ST3GAL5: variants seen among roughly 807,000 people sequenced by gnomAD.
The protein encoded by ST3GAL5 is ST3 beta-galactoside alpha-2,3-sialyltransferase 5.
A neutral mutation model predicts 46.1 loss-of-function variants in ST3GAL5; 25 were observed. That is an observed-to-expected ratio of 0.54 (90% CI 0.40 to 0.76). The LOEUF is 0.76. ST3GAL5 is among the 30% of genes least tolerant of loss of function. ST3GAL5 has a pLI of 0.00. For synonymous variants in ST3GAL5, 182 were observed against 192.7 expected (o/e 0.94, Z 0.46); for missense variants, 431 against 521.2 (o/e 0.83, Z 1.69).
chr2:85,850,407 A>G (rs1019547113), intron 3 of ST3GAL5: 1 of 152,300 alleles, frequency 6.6e-6, no homozygotes, highest in Non-Finnish European at 1.5e-5. Context: ...AAATGTTTAA[A>G]TACGAATTGG....
chr2:85,851,537 T>C, intron 3 of ST3GAL5: 1 of 1,289,382 alleles, frequency 7.8e-7, no homozygotes, highest in Non-Finnish European at 1.0e-6. Flanking sequence ...GCTTCAATGG[T>C]GCACAACCAG....
At chr2:85,888,091 C>G (rs59317756) in intron 1 of ST3GAL5, 1 of 152,066 alleles carries the variant, frequency 6.6e-6, no homozygotes, top group African/African-American at 2.4e-5. Context: ...CCTCGGCCAT[C>G]GGCAGGGTAA....
intron 3 of ST3GAL5, among the ~76,000 whole-genome samples, chr2:85,857,128 C>A (rs1159712872): frequency 6.7e-6 from 1 of 149,086 alleles, no homozygotes; most frequent in East Asian, 2.0e-4. Context: ...TGCTATAGTC[C>A]CAGCTACTCA....
At chr2:85,858,285 T>A (rs1288011301) in intron 3 of ST3GAL5, 1 of 152,402 alleles carries the variant, frequency 6.6e-6, no homozygotes. Context: ...CCCCTCCCTG[T>A]CTAATGTCTG....
At chr2:85,881,227 A>G (rs1297335063) in intron 1 of ST3GAL5, among the ~76,000 whole-genome samples, 1 of 152,184 alleles carries the variant, frequency 6.6e-6, no homozygotes, top group Non-Finnish European at 1.5e-5. Flanking sequence ...GGAACTGTAA[A>G]TCCAATTAAA....
intron 3 of ST3GAL5, chr2:85,850,246 C>A (rs1312443015): frequency 6.6e-6 from 1 of 152,256 alleles, no homozygotes; most frequent in African/African-American, 2.4e-5. Context: ...TAGCCACTGC[C>A]TCAGTTCACC....
At chr2:85,851,324 G>A (rs909389302) in intron 3 of ST3GAL5, 12 of 1,165,106 alleles carry the variant, frequency 1.0e-5, no homozygotes, top group Non-Finnish European at 1.3e-5. Flanking sequence ...AATCCTGAGT[G>A]AGTTTCTACA....
chr2:85,844,592 T>C (rs186772935), intron 5 of ST3GAL5, 38 bp from the exon 6 acceptor site: 61 of 1,613,154 alleles, frequency 3.8e-5, no homozygotes, highest in Non-Finnish European at 5.1e-5. Context: ...GTCATCCTTC[T>C]AGGGGAGGGG....
Position 85,853,012 on chromosome 2 carries a change from G to A in ST3GAL5, c.319-4808C>T, listed in dbSNP as rs139149411. 324 of 1,303,826 alleles carry A rather than the reference G, an allele frequency of 2.5e-4. 1 individual carries two copies. Among genetic ancestry groups the A allele is most frequent in the African/African-American group, 1.8e-3 (116 of 65,762 alleles). The allele number at this position is 1,303,826 out of a possible 1,614,324, so 80.8% of individuals were successfully genotyped here. A position where few individuals can be genotyped will look rare whatever the true frequency, so the allele number is the denominator to read the frequency against. On this transcript the variant is annotated intron_variant, in intron 3 of 6. Transcript: ENST00000638572. ...GGCACGGTGTAGGTCTGCAGAGTCC[G>A]AGAGAAGACGATGAAGAAGCGGCTG... is the stretch of plus-strand genomic sequence containing the variant.
chr2:85,859,232 T>G (rs1684470862), intron 3 of ST3GAL5, among the ~76,000 whole-genome samples: 1 of 152,040 alleles, frequency 6.6e-6, no homozygotes, highest in Non-Finnish European at 1.5e-5. Context: ...GGTCAGATGG[T>G]AATGGACAGG....
At chr2:85,852,688 T>A (rs1683652597) in intron 3 of ST3GAL5, among the ~76,000 whole-genome samples, 1 of 151,926 alleles carries the variant, frequency 6.6e-6, no homozygotes, top group Non-Finnish European at 1.5e-5. Context: ...TTAATACTCA[T>A]CAAACAATGG....
intron 3 of ST3GAL5, chr2:85,849,697 CCA>C (rs1683258632): frequency 6.6e-6 from 1 of 152,172 alleles, no homozygotes; most frequent in African/African-American, 2.4e-5. Context: ...TCCATTCACC[CCA>C]GTCTTCCTCT....
At chr2:85,889,009 G>A (rs1049660940), upstream of ST3GAL5, 142 of 887,334 alleles carry the variant, frequency 1.6e-4, no homozygotes, top group African/African-American at 2.4e-3. Context: ...CCGCTCCCCC[G>A]CTCAGATGCG....
In ST3GAL5 at chr2:85,888,862, T is replaced by C. The variant is rs1280213817; in HGVS notation, c.44A>G (p.Gln15Arg). 2 of 1,358,460 alleles carry C rather than the reference T, an allele frequency of 1.5e-6. No individual in the cohort carries two copies. Among genetic ancestry groups the C allele is most frequent in the Non-Finnish European group, 1.9e-6 (2 of 1,048,494 alleles). 84.2% of individuals were successfully genotyped at this position (1,358,460 alleles called of 1,614,324 possible). A position where few individuals can be genotyped will look rare whatever the true frequency, so the allele number is the denominator to read the frequency against. The change falls in exon 1 of 7, where the codon CAG (glutamine) becomes CGG (arginine). Residue 15 changes from glutamine to arginine, a missense_variant. Gln to Arg is a conservative substitution (Grantham distance 43). Transcript: ENST00000638572. ...AAGCAERRPL[Q>R]PRTEAAAAPA... ...TGCCGCCGCTGCCTCGGTCCGCGGC[T>C]GCAGGGGACGCCGCTCCGCGCAGCC...
chr2:85,844,630 G>A, intron 5 of ST3GAL5, 76 bp from the exon 6 acceptor site: 1 of 1,595,640 alleles, frequency 6.3e-7, no homozygotes, highest in Middle Eastern at 1.8e-4. Context: ...ATCAGACCAA[G>A]GCTGTGGGTG....
At chr2:85,857,097 A>AAAAAAAAAAAAT (rs1558669884) in intron 3 of ST3GAL5, among the ~76,000 whole-genome samples, 6 of 132,286 alleles carry the variant, frequency 4.5e-5, no homozygotes, top group African/African-American at 1.6e-4. Context: ...AAAAAAAAAA[A>AAAAAAAAAAAAT]TAGGCACGTA....
intron 1 of ST3GAL5, among the ~76,000 whole-genome samples, chr2:85,868,702 T>A (rs1449273074): frequency 6.6e-6 from 1 of 151,062 alleles, no homozygotes; most frequent in Admixed American, 6.6e-5. Context: ...CACTGCAACC[T>A]CTGCCTCCCG....
intron 1 of ST3GAL5, chr2:85,867,523 C>A (rs749572597): frequency 1.3e-6 from 1 of 775,962 alleles, no homozygotes; most frequent in South Asian, 1.4e-5. Flanking sequence ...GGTGGGCAGG[C>A]ATATGCAAAC....
At chr2:85,886,552 A>G (rs76494205) in intron 1 of ST3GAL5, among the ~76,000 whole-genome samples, 2 of 152,010 alleles carry the variant, frequency 1.3e-5, no homozygotes, top group Non-Finnish European at 2.9e-5. Context: ...TAAAAAAAAA[A>G]GAGGAAAAAA....
Sources: gnomAD v4.1 joint callset for allele counts (sites outside exome capture counted in the v4.1 genomes callset) on GRCh38, gnomAD v4.1.1 for gene constraint, MANE v1.5 for transcripts, NCBI Gene and HGNC (gene_info 2026-07-23, HGNC 2026-07-21) for gene names.